CSMD1: variants seen among roughly 807,000 people sequenced by gnomAD.
CSMD1 encodes CUB and sushi domain-containing protein 1.
Under a neutral mutation model 417.5 loss-of-function variants are expected in CSMD1, and 213 were observed. That is an observed-to-expected ratio of 0.51 (90% CI 0.46 to 0.57). CSMD1 has a LOEUF of 0.57. Ranked by LOEUF, CSMD1 falls within the 20% of genes least tolerant of loss-of-function variation. The pLI is 0.00. For missense variants in CSMD1, 6,923 were observed against 4,529.7 expected (o/e 1.53, Z -15.17); for synonymous variants, 2,862 against 1,736.8 (o/e 1.65, Z -16.11).
intron 10 of CSMD1, among the ~76,000 whole-genome samples, chr8:3,531,170 T>G (rs1349199612): frequency 6.6e-6 from 1 of 152,096 alleles, no homozygotes; most frequent in Non-Finnish European, 1.5e-5. Flanking sequence ...CCATACTACT[T>G]TAAGAAAATA....
Position 3,835,401 on chromosome 8 carries a change from A to C in CSMD1, c.819-81359T>G, listed in dbSNP as rs1802623097. On this transcript the variant is annotated intron_variant, in intron 5 of 69. Coordinates refer to ENST00000635120, the MANE Select transcript of CSMD1 (RefSeq NM_033225.6). Reference sequence around the variant, plus strand: ...TACTACGCAGCCATAAAAAATGATGAGTTCATGTCCTTTGTAGGGACATGG... The same window carrying C: ...TACTACGCAGCCATAAAAAATGATGCGTTCATGTCCTTTGTAGGGACATGG... 2.0e-5 allele frequency among the ~76,000 whole-genome samples: 3 copies of C among 152,200 alleles called. No individual in the cohort carries two copies. In the South Asian group the frequency reaches 6.2e-4, roughly 32 times the overall value.
intron 1 of CSMD1, among the ~76,000 whole-genome samples, chr8:4,930,923 T>A (rs1000254474): frequency 6.6e-6 from 1 of 152,200 alleles, no homozygotes; most frequent in African/African-American, 2.4e-5. Flanking sequence ...ACACAGTGGT[T>A]GACATTGTAC....
At chr8:4,203,526 A>G (rs1021309102) in intron 3 of CSMD1, among the ~76,000 whole-genome samples, 4 of 152,182 alleles carry the variant, frequency 2.6e-5, no homozygotes, top group Admixed American at 6.5e-5. Context: ...TGTGAATCCA[A>G]GTACCTTCTG....
At chr8:3,284,106 G>A (rs1367737042) in intron 26 of CSMD1, 38 bp downstream of exon 26, 1 of 1,451,070 alleles carries the variant, frequency 6.9e-7, no homozygotes, top group African/African-American at 1.4e-5. Flanking sequence ...ACAAGACTTT[G>A]ATATCAAGGT....
intron 52 of CSMD1, among the ~76,000 whole-genome samples, chr8:3,016,645 T>G (rs1249389874): frequency 6.6e-6 from 1 of 152,346 alleles, no homozygotes; most frequent in Non-Finnish European, 1.5e-5. Flanking sequence ...CTTTTTCTAT[T>G]TTTTCCCTTT....
chr8:3,257,530 G>C (rs7835399), intron 26 of CSMD1, among the ~76,000 whole-genome samples: 33,248 of 152,080 alleles, frequency 0.22, 3,810 homozygotes, highest in South Asian at 0.3. Flanking sequence ...CAGGAGTGTC[G>C]ATGGCACTGA....
intron 1 of CSMD1, among the ~76,000 whole-genome samples, chr8:4,744,722 A>C (rs1037612887): frequency 2.6e-5 from 4 of 152,198 alleles, no homozygotes; most frequent in Non-Finnish European, 2.9e-5. Flanking sequence ...TCATGGTTTA[A>C]TGATAATTAT....
At position 4,637,193 on chromosome 8, in the gene CSMD1, G is replaced by A. The variant is rs578151996; in HGVS notation, c.302+149C>T. On this transcript the variant is annotated intron_variant, in intron 2 of 69. Coordinates refer to ENST00000635120, the MANE Select transcript of CSMD1 (RefSeq NM_033225.6). Reference sequence around the variant, plus strand: ...GCTGGAAAACTCACCCCAAAGGTCTGTGGCTTCATTCTTGAAGTCAGCGAG... The same window carrying A: ...GCTGGAAAACTCACCCCAAAGGTCTATGGCTTCATTCTTGAAGTCAGCGAG... The A allele has an allele frequency of 4.9e-6, 3 of 615,162 alleles. No homozygotes were observed. The African/African-American group carries it at 5.7e-5, about 12-fold the overall frequency. The allele number at this position is 615,162 out of a possible 1,614,324, so 38.1% of individuals were successfully genotyped here. A position where few individuals can be genotyped will look rare whatever the true frequency, so the allele number is the denominator to read the frequency against.
At chr8:4,362,209 G>C (rs568216785) in intron 3 of CSMD1, among the ~76,000 whole-genome samples, 3 of 152,258 alleles carry the variant, frequency 2.0e-5, no homozygotes, top group South Asian at 4.1e-4. Context: ...ATTTTCCAAA[G>C]GATCCTGGGA....
At chr8:4,225,765 C>G (rs962731765) in intron 3 of CSMD1, among the ~76,000 whole-genome samples, 33 of 152,076 alleles carry the variant, frequency 2.2e-4, no homozygotes, top group African/African-American at 7.0e-4. Context: ...TGGGGCCAAT[C>G]TATTCAAATC....
chr8:3,709,146 A>G (rs535037772), intron 6 of CSMD1, among the ~76,000 whole-genome samples: 5 of 91,066 alleles, frequency 5.5e-5, no homozygotes, highest in Non-Finnish European at 6.5e-5. Flanking sequence ...ACATTTTAAG[A>G]AGTTTCATTT....
chr8:3,754,041 G>C lies in CSMD1; in HGVS notation c.820C>G (p.Leu274Val), dbSNP rs770609425. 1.2e-6 allele frequency: 2 copies of C among 1,606,614 alleles called. No individual in the cohort carries two copies. Among genetic ancestry groups the C allele is most frequent in the East Asian group, 2.2e-5 (1 of 44,802 alleles). Residue 274 changes from leucine (L) to valine (V), a missense_variant and splice_region_variant, in exon 6 of 70, where the codon CTA becomes GTA. Physicochemically the swap from Leu to Val is conservative, Grantham distance 32. Transcript: ENST00000635120. Reference sequence around the variant, plus strand: ...GGAGAGGGGAGGTTCATGCCAGTTAGCCTAGAGAAGAGAAAGAGGAAAAAA... The same window carrying C: ...GGAGAGGGGAGGTTCATGCCAGTTACCCTAGAGAAGAGAAAGAGGAAAAAA... Reference protein sequence around the residue: ...ISGTEAPSIWLTGMNLPSPVI... With the variant: ...ISGTEAPSIWVTGMNLPSPVI...
chr8:3,638,784 T>A (rs1490113498), intron 7 of CSMD1, among the ~76,000 whole-genome samples: 1 of 152,130 alleles, frequency 6.6e-6, no homozygotes, highest in African/African-American at 2.4e-5. Context: ...GAAACCAGCA[T>A]GCATAGGTGA....
At chr8:3,593,994 C>T (rs1288642546) in intron 8 of CSMD1, among the ~76,000 whole-genome samples, 4 of 152,214 alleles carry the variant, frequency 2.6e-5, no homozygotes, top group Non-Finnish European at 4.4e-5. Context: ...AGAAAGACGA[C>T]AGTGTTTTTC....
intron 17 of CSMD1, 61 bp from the exon 18 acceptor site, chr8:3,387,743 G>A (rs948594325): frequency 7.5e-7 from 1 of 1,339,628 alleles, no homozygotes; most frequent in African/African-American, 1.5e-5. Flanking sequence ...AAATAATAGA[G>A]ACCCACGCCA....
In CSMD1 at chr8:4,158,055, T is replaced by G. The variant is rs1393210085; in HGVS notation, c.416-125956A>C. On this transcript the variant is annotated intron_variant, in intron 3 of 69. Coordinates refer to ENST00000635120, the MANE Select transcript of CSMD1 (RefSeq NM_033225.6). Reference sequence around the variant, plus strand: ...GCCTGCTCAAAGCTCCTGCTACCCCTACCCCTGCTTCCCCATTACAATACA... The same window carrying G: ...GCCTGCTCAAAGCTCCTGCTACCCCGACCCCTGCTTCCCCATTACAATACA... Among the ~76,000 whole-genome samples the G allele has an allele frequency of 4.7e-5, 7 of 150,420 alleles. No individual in the cohort carries two copies. In the South Asian group the frequency reaches 8.3e-4, roughly 18 times the overall value.
chr8:3,980,594 A>G (rs1482308964), intron 5 of CSMD1, among the ~76,000 whole-genome samples: 8 of 151,948 alleles, frequency 5.3e-5, no homozygotes, highest in Non-Finnish European at 1.2e-4. Context: ...CCCCTTGTTA[A>G]TTTGTTTTTT....
At chr8:4,075,514 A>G (rs1296844934) in intron 3 of CSMD1, among the ~76,000 whole-genome samples, 1 of 152,230 alleles carries the variant, frequency 6.6e-6, no homozygotes, top group Non-Finnish European at 1.5e-5. Flanking sequence ...GTGGGAATTG[A>G]TAACTAAAAA....
At chr8:4,255,735 C>CAT (rs1234980657) in intron 3 of CSMD1, among the ~76,000 whole-genome samples, 6 of 152,318 alleles carry the variant, frequency 3.9e-5, no homozygotes, top group African/African-American at 1.2e-4. Flanking sequence ...AAAATCTAAG[C>CAT]ATAGACTTAA....
Sources: allele counts gnomAD v4.1 joint callset (sites outside exome capture counted in the v4.1 genomes callset), GRCh38; gene constraint gnomAD v4.1.1; transcripts MANE v1.5; gene names NCBI Gene and HGNC (gene_info 2026-07-23, HGNC 2026-07-21).